Variants in USP45 observed in about 807,000 individuals in gnomAD.
USP45 encodes the protein ubiquitin specific peptidase 45, also known as ubiquitin carboxyl-terminal hydrolase 45.
Under a neutral mutation model 95.8 loss-of-function variants are expected in USP45, and 89 were observed. The observed-to-expected ratio is 0.93, with a 90% confidence interval of 0.78 to 1.11. The LOEUF (loss-of-function observed/expected upper bound fraction) is 1.11, where lower values mean the gene tolerates loss of function less well. Among genes scored for constraint, USP45 ranks in the 50% least tolerant of loss-of-function variants. The pLI, the probability that USP45 is intolerant of heterozygous loss-of-function variation, is 0.00. For synonymous variants in USP45, 281 were observed against 316.2 expected, an observed-to-expected ratio of 0.89 and a Z score of 1.18; for missense variants, 898 against 942.5, an observed-to-expected ratio of 0.95 and a Z score of 0.62.
At chr6:99,496,172 T>C (rs188257253) in intron 5 of USP45, among the ~76,000 whole-genome samples, 2 of 152,218 alleles carry the variant, frequency 1.3e-5, no homozygotes, top group East Asian at 3.9e-4. Context: ...TAAATAGAGA[T>C]AGGGTCATGT....
In USP45 at chr6:99,476,242, A is replaced by G; in HGVS notation, c.846-12T>C. 1 of 1,612,078 alleles carries G rather than the reference A, an allele frequency of 6.2e-7. No homozygotes were observed. Among genetic ancestry groups the G allele is most frequent in the Non-Finnish European group, 8.5e-7 (1 of 1,178,450 alleles). Reference sequence around the variant, plus strand: ...TAAATCGAGGTGCCCTGTGATTTAAAAACAAAAGAGGAAAGAAAAAAAGAA... The same window carrying G: ...TAAATCGAGGTGCCCTGTGATTTAAGAACAAAAGAGGAAAGAAAAAAAGAA... On this transcript the variant is annotated splice_polypyrimidine_tract_variant and intron_variant, in intron 8 of 17. Transcript: ENST00000500704.
At chr6:99,477,903 A>G (rs1227254908) in intron 8 of USP45, among the ~76,000 whole-genome samples, 1 of 152,074 alleles carries the variant, frequency 6.6e-6, no homozygotes, top group African/African-American at 2.4e-5. Flanking sequence ...TCCTATTTGG[A>G]CCTCCACAGC....
intron 7 of USP45, among the ~76,000 whole-genome samples, chr6:99,487,633 C>CAAA (rs11335830): frequency 6.6e-5 from 7 of 106,368 alleles, no homozygotes; most frequent in East Asian, 2.9e-4. Context: ...ACTAAAAATA[C>CAAA]AAAAAAAAAA....
chr6:99,433,814 A>G lies in USP45; in HGVS notation c.*1902T>C, dbSNP rs1269964789. On this transcript the variant is annotated 3_prime_UTR_variant, in exon 18 of 18. Transcript: ENST00000500704. ...TCCAAATATTTGTCTTTGAAACAAG[A>G]AACAAGTGACCATCCGATGAAAAGT... 2 of 152,214 alleles carry G rather than the reference A, an allele frequency of 1.3e-5. No individual in the cohort carries two copies. The highest frequency in any genetic ancestry group is 2.9e-5 in the Non-Finnish European group (2 of 68,042). 9.4% of individuals were successfully genotyped at this position (152,214 alleles called of 1,614,324 possible). A position where few individuals can be genotyped will look rare whatever the true frequency, so the allele number is the denominator to read the frequency against.
chr6:99,495,639 G>A (rs1391085038), intron 5 of USP45, among the ~76,000 whole-genome samples: 1 of 152,220 alleles, frequency 6.6e-6, no homozygotes, highest in African/African-American at 2.4e-5. Context: ...TTATAATAAA[G>A]ATGATGCAAT....
At chr6:99,507,246 A>C (rs1798754087) in intron 4 of USP45, among the ~76,000 whole-genome samples, 182 bp downstream of exon 4, 1 of 152,314 alleles carries the variant, frequency 6.6e-6, no homozygotes, top group Non-Finnish European at 1.5e-5. Flanking sequence ...AAATTTTTCC[A>C]ATTTAAATTT....
intron 16 of USP45, among the ~76,000 whole-genome samples, chr6:99,437,937 C>A (rs762810545): frequency 3.9e-5 from 6 of 152,124 alleles, no homozygotes; most frequent in Non-Finnish European, 5.9e-5. Flanking sequence ...GGATTACAGG[C>A]GTAAGCCACT....
intron 5 of USP45, among the ~76,000 whole-genome samples, chr6:99,494,416 T>C (rs1275810329): frequency 1.3e-5 from 2 of 152,148 alleles, no homozygotes; most frequent in Non-Finnish European, 2.9e-5. Flanking sequence ...CTGATAGGTT[T>C]TGCATGTACC....
chr6:99,468,329 T>G (rs1485666216), intron 10 of USP45, among the ~76,000 whole-genome samples: 1 of 152,132 alleles, frequency 6.6e-6, no homozygotes, highest in African/African-American at 2.4e-5. Flanking sequence ...ATACTTGGTA[T>G]AGCTTTATTC....
chr6:99,481,460 A>C (rs981938573), intron 8 of USP45, among the ~76,000 whole-genome samples: 5 of 152,216 alleles, frequency 3.3e-5, no homozygotes, highest in Admixed American at 2.6e-4. Flanking sequence ...TATTTCTGGC[A>C]AAGTCAGAAA....
chr6:99,490,092 T>G (rs1794831881), intron 5 of USP45, among the ~76,000 whole-genome samples: 1 of 152,252 alleles, frequency 6.6e-6, no homozygotes, highest in African/African-American at 2.4e-5. Flanking sequence ...ATTTGAAGTT[T>G]GATAAGAAAT....
intron 7 of USP45, among the ~76,000 whole-genome samples, chr6:99,487,633 C>CAAAAAAAAAAA (rs11335830): frequency 2.1e-4 from 22 of 106,342 alleles, no homozygotes; most frequent in South Asian, 6.6e-4. Context: ...ACTAAAAATA[C>CAAAAAAAAAAA]AAAAAAAAAA....
At chr6:99,517,052 T>G (rs1160545185), upstream of USP45, among the ~76,000 whole-genome samples, 1 of 152,150 alleles carries the variant, frequency 6.6e-6, no homozygotes, top group Admixed American at 6.5e-5. Flanking sequence ...ATAACCAAAA[T>G]CTCCAGAGAT....
chr6:99,441,032 TCCTG>T (rs1335268421), intron 15 of USP45, among the ~76,000 whole-genome samples: 5 of 152,208 alleles, frequency 3.3e-5, no homozygotes, highest in African/African-American at 1.2e-4. Flanking sequence ...ATATACAGTC[TCCTG>T]CCTTTTTCCC....
intron 9 of USP45, among the ~76,000 whole-genome samples, 157 bp downstream of exon 9, chr6:99,475,986 G>A (rs945502677): frequency 2.6e-5 from 4 of 152,010 alleles, no homozygotes; most frequent in African/African-American, 4.8e-5. Flanking sequence ...CACCATGCGC[G>A]GCTAATTTTT....
intron 7 of USP45, among the ~76,000 whole-genome samples, chr6:99,483,166 C>G (rs1332772594): frequency 6.6e-6 from 1 of 152,112 alleles, no homozygotes; most frequent in Non-Finnish European, 1.5e-5. Flanking sequence ...AATGCACTCT[C>G]CTATAAATAA....
chr6:99,501,796 C>T, intron 5 of USP45: 1 of 595,742 alleles, frequency 1.7e-6, no homozygotes, highest in Non-Finnish European at 2.4e-6. Context: ...ATACATAATA[C>T]ATTACTGTTA....
At chr6:99,487,122 G>A (rs1011840327) in intron 7 of USP45, among the ~76,000 whole-genome samples, 8 of 152,152 alleles carry the variant, frequency 5.3e-5, no homozygotes, top group Non-Finnish European at 1.2e-4. Context: ...CTCAGAAAGC[G>A]AGGCTAATTC....
intron 1 of USP45, 80 bp from the exon 2 acceptor site, chr6:99,510,310 A>G (rs1224844642): frequency 3.2e-6 from 3 of 934,296 alleles, no homozygotes; most frequent in Non-Finnish European, 4.9e-6. Flanking sequence ...TGTGTATTAA[A>G]ACTGAAATGA....
Sources: gnomAD v4.1 joint callset for allele counts (sites outside exome capture counted in the v4.1 genomes callset) on GRCh38, gnomAD v4.1.1 for gene constraint, MANE v1.5 for transcripts, NCBI Gene and HGNC (gene_info 2026-07-23, HGNC 2026-07-21) for gene names.